RBFOX1: variants seen among roughly 807,000 people sequenced by gnomAD.
The protein encoded by RBFOX1 is RNA binding fox-1 homolog 1, also known as RNA binding protein fox-1 homolog 1.
Under a neutral mutation model 57.7 loss-of-function variants are expected in RBFOX1, and 8 were observed. The ratio of observed to expected loss-of-function variants is 0.14; its 90% CI spans 0.08 to 0.25. The LOEUF is 0.25. Ranked by LOEUF, RBFOX1 falls within the 10% of genes least tolerant of loss-of-function variation. The pLI is 1.00. For missense variants in RBFOX1, 611 were observed against 548.5 expected (o/e 1.11, Z -1.14); for synonymous variants, 326 against 222.4 (o/e 1.47, Z -4.15).
intron 4 of RBFOX1, among the ~76,000 whole-genome samples, chr16:7,116,829 A>G (rs965783492): frequency 1.3e-5 from 2 of 152,184 alleles, no homozygotes; most frequent in African/African-American, 2.4e-5. Context: ...CACACAGGAC[A>G]CAGACCATCC....
chr16:6,418,351 C>T (rs1017835507), intron 2 of RBFOX1, among the ~76,000 whole-genome samples: 1 of 151,924 alleles, frequency 6.6e-6, no homozygotes, highest in Non-Finnish European at 1.5e-5. Flanking sequence ...CTTATGGTGA[C>T]TTCTAGGACT....
intron 3 of RBFOX1, among the ~76,000 whole-genome samples, chr16:5,790,510 GA>G (rs60645917): frequency 1.2e-3 from 168 of 142,992 alleles, no homozygotes; most frequent in African/African-American, 2.3e-3. Context: ...ACAATATGCT[GA>G]AAAAAAAAAA....
intron 2 of RBFOX1, among the ~76,000 whole-genome samples, chr16:6,603,025 T>A (rs375152143): frequency 6.6e-6 from 1 of 152,238 alleles, no homozygotes; most frequent in African/African-American, 2.4e-5. Context: ...CAATTTTATT[T>A]ATTTCAGTAA....
intron 1 of RBFOX1, among the ~76,000 whole-genome samples, chr16:5,261,255 A>T (rs771908654): frequency 1.4e-4 from 21 of 152,160 alleles, no homozygotes; most frequent in Non-Finnish European, 1.2e-4. Flanking sequence ...TCTGTTCTGC[A>T]ATCATAGTCC....
intron 2 of RBFOX1, among the ~76,000 whole-genome samples, chr16:5,511,325 A>C (rs1222362576): frequency 6.6e-6 from 1 of 152,186 alleles, no homozygotes; most frequent in African/African-American, 2.4e-5. Flanking sequence ...AGCTAAGAGG[A>C]GCTGAGGTTA....
intron 11 of RBFOX1, among the ~76,000 whole-genome samples, chr16:7,642,445 T>G (rs536555453): frequency 6.6e-6 from 1 of 152,288 alleles, no homozygotes; most frequent in South Asian, 2.1e-4. Flanking sequence ...ACCCATCTTG[T>G]GAGCCACCGT....
At chr16:5,625,783 C>T (rs2048332510) in intron 3 of RBFOX1, among the ~76,000 whole-genome samples, 2 of 152,136 alleles carry the variant, frequency 1.3e-5, no homozygotes, top group Non-Finnish European at 2.9e-5. Context: ...GTTTCAAACT[C>T]CTGACCTCAG....
At chr16:5,910,065 AAAAACAAAAAAAAAAGAAAAAT>A (rs150295131) in intron 4 of RBFOX1, among the ~76,000 whole-genome samples, 1,662 of 152,080 alleles carry the variant, frequency 0.011, 27 homozygotes, top group African/African-American at 0.037. Context: ...AACAAAAACA[AAAAACAAAAAAAAAAGAAAAAT>A]AAATCTTTGG....
intron 1 of RBFOX1, among the ~76,000 whole-genome samples, chr16:6,255,596 C>G (rs902268418): frequency 2.0e-5 from 3 of 152,144 alleles, no homozygotes; most frequent in Middle Eastern, 3.4e-3. Context: ...ATAAGGTTAG[C>G]AATCATGTCA....
intron 3 of RBFOX1, among the ~76,000 whole-genome samples, chr16:6,924,632 C>T (rs1397331018): frequency 1.3e-5 from 2 of 151,974 alleles, no homozygotes; most frequent in African/African-American, 4.8e-5. Flanking sequence ...AAGTACCTAC[C>T]TCTTGTCCTT....
intron 1 of RBFOX1, among the ~76,000 whole-genome samples, chr16:6,062,463 G>A (rs146577217): frequency 1.3e-5 from 2 of 151,852 alleles, no homozygotes; most frequent in African/African-American, 2.4e-5. Context: ...AGATCCCAAT[G>A]GTTTTAGAAG....
chr16:7,399,043 G>C (rs923749733), intron 4 of RBFOX1, among the ~76,000 whole-genome samples: 16 of 152,146 alleles, frequency 1.1e-4, no homozygotes, highest in African/African-American at 3.9e-4. Context: ...GTGACTGTTG[G>C]GTACTCTGCT....
chr16:7,608,031 G>A (rs978944213), intron 10 of RBFOX1, among the ~76,000 whole-genome samples: 8 of 152,164 alleles, frequency 5.3e-5, no homozygotes, highest in African/African-American at 1.9e-4. Context: ...GGCTTGGCCC[G>A]TCACTACTGC....
At chr16:6,544,567 G>A (rs983731202) in intron 2 of RBFOX1, among the ~76,000 whole-genome samples, 1 of 152,102 alleles carries the variant, frequency 6.6e-6, no homozygotes, top group South Asian at 2.1e-4. Context: ...TTTTCTCTTA[G>A]CATTCGATCG....
chr16:7,169,427 G>A (rs74401463), intron 4 of RBFOX1, among the ~76,000 whole-genome samples: 170 of 152,268 alleles, frequency 1.1e-3, no homozygotes, highest in African/African-American at 3.5e-3. Flanking sequence ...GATGTTTAAC[G>A]GAATCCCTGA....
intron 2 of RBFOX1, among the ~76,000 whole-genome samples, chr16:6,565,887 C>A (rs987508869): frequency 6.6e-6 from 1 of 152,188 alleles, no homozygotes; most frequent in South Asian, 2.1e-4. Flanking sequence ...ACACATAACC[C>A]CCAATATCCA....
upstream of RBFOX1, among the ~76,000 whole-genome samples, chr16:6,016,919 T>A (rs2094997264): frequency 6.6e-6 from 1 of 152,172 alleles, no homozygotes; most frequent in South Asian, 2.1e-4. Context: ...CTAATTTTGT[T>A]TTAAATTGTA....
At chr16:5,258,705 C>T (rs775622558) in intron 1 of RBFOX1, among the ~76,000 whole-genome samples, 3 of 152,258 alleles carry the variant, frequency 2.0e-5, no homozygotes, top group Non-Finnish European at 4.4e-5. Flanking sequence ...ATCACGAGGT[C>T]AAGAGTTCAA....
At chr16:5,243,506 G>A (rs2062220788) in intron 1 of RBFOX1, among the ~76,000 whole-genome samples, 1 of 152,092 alleles carries the variant, frequency 6.6e-6, no homozygotes, top group Non-Finnish European at 1.5e-5. Flanking sequence ...TGGTGCTGGT[G>A]GGGGCCGTCC....
Sources: allele counts gnomAD v4.1 joint callset (sites outside exome capture counted in the v4.1 genomes callset), GRCh38; gene constraint gnomAD v4.1.1; transcripts MANE v1.5; gene names NCBI Gene and HGNC (gene_info 2026-07-23, HGNC 2026-07-21).